The following NCOA4 variants were observed in gnomAD, a reference collection of about 807,000 sequenced individuals.
NCOA4 encodes 70 kDa AR-activator.
A neutral mutation model predicts 69.5 loss-of-function variants in NCOA4; 31 were observed. The ratio of observed to expected loss-of-function variants is 0.45; its 90% confidence interval spans 0.34 to 0.60. The LOEUF (loss-of-function observed/expected upper bound fraction) is 0.60, where lower values mean the gene tolerates loss of function less well. NCOA4 is among the 20% of genes least tolerant of loss of function. The pLI, the probability that NCOA4 is intolerant of heterozygous loss-of-function variation, is 0.02. For missense variants in NCOA4, 600 were observed against 719.2 expected (o/e 0.83, Z 1.90); for synonymous variants, 228 against 252.4 (o/e 0.90, Z 0.92).
chr10:46,011,175 T>C lies in NCOA4; in HGVS notation c.746A>G (p.Asn249Ser). The C allele has an allele frequency of 1.3e-6, 2 of 1,598,200 alleles. No individual in the cohort carries two copies. The highest frequency in any genetic ancestry group is 1.7e-6 in the Non-Finnish European group (2 of 1,175,274). The change falls in exon 8 of 10, where the codon AAT becomes AGT. Residue 249 changes from asparagine to serine, a missense_variant. Asn to Ser is a conservative substitution (Grantham distance 46). Coordinates refer to ENST00000581486, the MANE Select transcript of NCOA4 (RefSeq NM_001145263.2). ...TAAGCCCTTTAGGTTTCCCCCGACA[T>C]TATTGAAGAAATTGCAGGCTCTGGA... ...TSSRACNFFN[N>S]VGGNLKGLEN...
At chr10:46,009,841 C>T (rs1223030162) in intron 8 of NCOA4, among the ~76,000 whole-genome samples, 1 of 152,160 alleles carries the variant, frequency 6.6e-6, no homozygotes, top group Non-Finnish European at 1.5e-5. Context: ...AAGGATCTGG[C>T]TGGCCGGTTT....
chr10:46,016,762 C>T, intron 1 of NCOA4, 68 bp from the exon 2 acceptor site: 1 of 1,151,934 alleles, frequency 8.7e-7, no homozygotes, highest in South Asian at 3.1e-5. Flanking sequence ...TGAATCATCC[C>T]TCAAATGATC....
At chr10:46,015,404 T>G in intron 2 of NCOA4, 138 bp from the exon 3 acceptor site, 1 of 713,420 alleles carries the variant, frequency 1.4e-6, no homozygotes, top group Non-Finnish European at 2.4e-6. Context: ...TCCAATGACA[T>G]CTATGAAGTA....
At chr10:46,027,625 A>G (rs183643361) in intron 1 of NCOA4, 534 of 704,436 alleles carry the variant, frequency 7.6e-4, no homozygotes, top group African/African-American at 5.5e-3. Flanking sequence ...ATGGCCTTCT[A>G]CAGTTCTTCC....
chr10:46,011,878 C>T (rs1417876225), intron 7 of NCOA4, among the ~76,000 whole-genome samples: 1 of 150,458 alleles, frequency 6.6e-6, no homozygotes, highest in Non-Finnish European at 1.5e-5. Flanking sequence ...GGTGAAACCC[C>T]GTATCTACTA....
chr10:46,009,009 A>C (rs1170881771), intron 9 of NCOA4: 4 of 619,834 alleles, frequency 6.5e-6, no homozygotes, highest in Non-Finnish European at 1.1e-5. Context: ...GTTATTGCAG[A>C]CTTAACTATA....
rs141806369 is a variant in NCOA4 at position 46,009,425 on chromosome 10, G to A, written c.1825C>T (p.Arg609Ter). 5.0e-6 allele frequency: 8 copies of A among 1,612,228 alleles called. No homozygotes were observed. The highest frequency in any genetic ancestry group is 2.2e-5 in the South Asian group (2 of 90,752). The change falls in exon 9 of 10, where the codon CGA becomes TGA. Residue 609 changes from arginine to a stop codon, truncating the protein, a stop_gained. Transcript: ENST00000581486. LOFTEE classifies it high-confidence loss of function. ...CATGTACCCACCTGTAGAGGAGTTC[G>A]ATATAACCACTTCTCTTTATCAACT... ...LKVDKEKWLY[R>*]TPLQM is the part of the protein sequence containing the mutation.
In NCOA4 at chr10:46,006,413, CT is replaced by C. The variant is rs1838810250; in HGVS notation, c.*178del. Reference sequence around the variant, plus strand: ...CTCAGCATGAATAAACAGCATTTTTCTTTTAAACAGTAACTCATAATCTGAT... The same window carrying C: ...CTCAGCATGAATAAACAGCATTTTTCTTTAAACAGTAACTCATAATCTGAT... On this transcript the variant is annotated 3_prime_UTR_variant, in exon 10 of 10. Transcript: ENST00000581486. The C allele has an allele frequency of 4.6e-6, 3 of 646,148 alleles. No homozygotes were observed. The South Asian group carries it at 5.6e-5, about 12-fold the overall frequency. The allele number at this position is 646,148 out of a possible 1,614,324, so 40.0% of individuals were successfully genotyped here.
chr10:46,023,049 C>T (rs1325998787), intron 1 of NCOA4, among the ~76,000 whole-genome samples: 1 of 152,230 alleles, frequency 6.6e-6, no homozygotes, highest in Non-Finnish European at 1.5e-5. Context: ...TAAATCCCAG[C>T]ACATCAATTT....
chr10:46,013,755 C>T, intron 5 of NCOA4, 116 bp from the exon 6 acceptor site: 1 of 643,918 alleles, frequency 1.6e-6, no homozygotes, highest in Non-Finnish European at 2.7e-6. Flanking sequence ...AAATACTGTT[C>T]ACACTAAATT....
intron 2 of NCOA4, among the ~76,000 whole-genome samples, chr10:46,015,951 A>G (rs781947835): frequency 2.0e-5 from 3 of 152,230 alleles, no homozygotes; most frequent in Non-Finnish European, 4.4e-5. Flanking sequence ...CAGGCCATAA[A>G]TTATCCGTGA....
chr10:46,023,603 G>A lies in NCOA4; in HGVS notation c.-14-6909C>T, dbSNP rs1840016578. ...CCCTCCCCGCTGGGCCTCCCTGCTA[G>A]ACGCCTGCTGCCCCCGCCCGGCCCC... On this transcript the variant is annotated intron_variant, in intron 1 of 9. Transcript: ENST00000581486. 4.6e-6 allele frequency: 4 copies of A among 877,038 alleles called. No individual in the cohort carries two copies. In the South Asian group the frequency reaches 1.6e-4, roughly 34 times the overall value. 54.3% of individuals were successfully genotyped at this position (877,038 alleles called of 1,614,324 possible). A position where few individuals can be genotyped will look rare whatever the true frequency, so the allele number is the denominator to read the frequency against.
Position 46,006,358 on chromosome 10 carries a change from ACTT to A in NCOA4, c.*231_*233del. 1 of 536,708 alleles carries A rather than the reference ACTT, an allele frequency of 1.9e-6. No individual in the cohort carries two copies. Among genetic ancestry groups the A allele is most frequent in the Non-Finnish European group, 3.4e-6 (1 of 297,914 alleles). 33.2% of individuals were successfully genotyped at this position (536,708 alleles called of 1,614,324 possible). On this transcript the variant is annotated 3_prime_UTR_variant, in exon 10 of 10. Transcript: ENST00000581486. ...TTTCTAGTGTGGGGTGAATTAAAAT[ACTT>A]CTGTAAGAAGGAGGGAACTGAATCA...
chr10:46,011,302 C>G (rs1294354999), intron 7 of NCOA4, 96 bp from the exon 8 acceptor site: 2 of 1,291,358 alleles, frequency 1.5e-6, no homozygotes, highest in Admixed American at 2.3e-5. Context: ...CAGTCTCACT[C>G]TGTCGCCCAG....
intron 1 of NCOA4, among the ~76,000 whole-genome samples, chr10:46,028,956 T>C (rs1194426919): frequency 6.6e-6 from 1 of 151,242 alleles, no homozygotes; most frequent in Non-Finnish European, 1.5e-5. Flanking sequence ...GGGAGGGATA[T>C]GTGTCAGGAT....
At chr10:46,009,657 C>G (rs1416753960) in intron 8 of NCOA4, 106 bp from the exon 9 acceptor site, 1 of 1,097,698 alleles carries the variant, frequency 9.1e-7, no homozygotes, top group African/African-American at 1.6e-5. Flanking sequence ...GTTGGCCATT[C>G]TCTGTAACAA....
rs887464111 is a variant in NCOA4, at chr10:46,013,881, G to A, written c.481-242C>T. ...ACTTTTAACAAGACCCAAACGTTTC[G>A]TTCTTTATTAAAAACTATTCAAGCC... On this transcript the variant is annotated intron_variant, in intron 5 of 9. Coordinates refer to ENST00000581486, the MANE Select transcript of NCOA4 (RefSeq NM_001145263.2). 1.7e-4 allele frequency among the ~76,000 whole-genome samples: 26 copies of A among 151,982 alleles called. 1 individual carries two copies. The highest frequency in any genetic ancestry group is 5.1e-4 in the African/African-American group (21 of 41,452).
chr10:46,011,046 T>C lies in NCOA4; in HGVS notation c.875A>G (p.Glu292Gly). 7.4e-6 allele frequency: 12 copies of C among 1,613,922 alleles called. No homozygotes were observed. The highest frequency in any genetic ancestry group is 1.0e-5 in the Non-Finnish European group (12 of 1,179,848). Residue 292 changes from glutamate (E) to glycine (G), a missense_variant, in exon 8 of 10, where the codon GAG becomes GGG. Physicochemically the swap from Glu to Gly is moderately conservative, Grantham distance 98. Coordinates refer to ENST00000581486, the MANE Select transcript of NCOA4 (RefSeq NM_001145263.2). ...GTCCATCTCATCTTGATCAGGAAGC[T>C]CTTGATCTCCAACCTTTTCCATTTC... is the stretch of plus-strand genomic sequence containing the variant. Reference protein sequence around the residue: ...SIEMEKVGDQELPDQDEMDLS... With the variant: ...SIEMEKVGDQGLPDQDEMDLS...
intron 5 of NCOA4, 42 bp downstream of exon 5, chr10:46,014,402 C>T: frequency 1.4e-6 from 2 of 1,399,668 alleles, no homozygotes; most frequent in South Asian, 1.2e-5. Flanking sequence ...TGTGAGGCCA[C>T]AGATATGAGA....
Sources: allele counts gnomAD v4.1 joint callset (sites outside exome capture counted in the v4.1 genomes callset), GRCh38; gene constraint gnomAD v4.1.1; transcripts MANE v1.5; gene names NCBI Gene and HGNC (gene_info 2026-07-23, HGNC 2026-07-21).